HECA: variants seen among roughly 807,000 people sequenced by gnomAD.
The protein encoded by HECA is HECA ribonucleoprotein granule regulator, also known as headcase protein homolog.
HECA carries 13 observed loss-of-function variants against 37.6 expected under a neutral mutation model. The observed-to-expected ratio is 0.35, with a 90% CI of 0.23 to 0.55. The LOEUF is 0.55. Ranked by LOEUF, HECA falls within the 20% of genes least tolerant of loss-of-function variation. The pLI, the probability that HECA is intolerant of heterozygous loss-of-function variation, is 0.90. For missense variants in HECA, 527 were observed against 701.9 expected (o/e 0.75, Z 2.82); for synonymous variants, 307 against 291.5 (o/e 1.05, Z -0.54).
At chr6:139,139,622 C>G (rs968421662) in intron 1 of HECA, among the ~76,000 whole-genome samples, 2 of 152,214 alleles carry the variant, frequency 1.3e-5, no homozygotes, top group African/African-American at 4.8e-5. Context: ...CCAGTTGATC[C>G]TCTCTTGGGG....
chr6:139,173,450 C>T (rs1009266588), intron 2 of HECA, among the ~76,000 whole-genome samples: 13 of 152,206 alleles, frequency 8.5e-5, no homozygotes, highest in Non-Finnish European at 1.6e-4. Context: ...ACCTTTCCAT[C>T]GGGTAAGGAG....
At chr6:139,168,182 C>T (rs528222742) in intron 2 of HECA, among the ~76,000 whole-genome samples, 1 of 152,244 alleles carries the variant, frequency 6.6e-6, no homozygotes, top group Non-Finnish European at 1.5e-5. Context: ...TCTTCATTCT[C>T]CAGCTTTACA....
Position 139,166,456 on chromosome 6 carries a change from C to T in HECA, c.444C>T (p.Ile148=), listed in dbSNP as rs368964706. Residue 148 remains isoleucine (I), a synonymous_variant, in exon 2 of 4, where the codon ATC becomes ATT. Transcript: ENST00000367658. ...ESSILVQFNC[I]GRARSWNEKQ... ...GCATCCTCGTCCAGTTCAACTGCAT[C>T]GGCCGCGCGCGCAGCTGGAACGAGA... 1.2e-4 allele frequency: 192 copies of T among 1,614,180 alleles called. No individual in the cohort carries two copies. In the East Asian group the frequency reaches 2.3e-3, roughly 19 times the overall value.
intron 2 of HECA, among the ~76,000 whole-genome samples, chr6:139,171,394 A>T (rs1449951296): frequency 3.9e-5 from 6 of 152,230 alleles, no homozygotes; most frequent in Admixed American, 6.5e-5. Flanking sequence ...CGCACATTAG[A>T]TGTGCCCACA....
At chr6:139,164,713 G>A (rs760671449) in intron 1 of HECA, among the ~76,000 whole-genome samples, 5 of 152,112 alleles carry the variant, frequency 3.3e-5, no homozygotes, top group South Asian at 2.1e-4. Context: ...CAAGACACAA[G>A]TGGGGAAGGC....
In HECA at chr6:139,180,755, C is replaced by CTGTT. The variant is rs931310317; in HGVS notation, c.*3654_*3657dup. ...AATTGTGTGTGGTTTTAGAGGGTTT[C>CTGTT]TGTTTGTGAAATGTATGTATTAAAA... On this transcript the variant is annotated 3_prime_UTR_variant, in exon 4 of 4. Coordinates refer to ENST00000367658, the MANE Select transcript of HECA (RefSeq NM_016217.3). 2 of 152,576 alleles carry CTGTT rather than the reference C, an allele frequency of 1.3e-5. No homozygotes were observed. The highest frequency in any genetic ancestry group is 2.9e-5 in the Non-Finnish European group (2 of 68,040). The allele number at this position is 152,576 out of a possible 1,614,324, so 9.5% of individuals were successfully genotyped here. A position where few individuals can be genotyped will look rare whatever the true frequency, so the allele number is the denominator to read the frequency against.
At chr6:139,155,202 C>T (rs1478870683) in intron 1 of HECA, among the ~76,000 whole-genome samples, 2 of 152,146 alleles carry the variant, frequency 1.3e-5, no homozygotes, top group Non-Finnish European at 2.9e-5. Flanking sequence ...GCAATTGGAA[C>T]ACAATGGCAT....
At chr6:139,168,925 T>C (rs544039023) in intron 2 of HECA, among the ~76,000 whole-genome samples, 1 of 152,356 alleles carries the variant, frequency 6.6e-6, no homozygotes, top group South Asian at 2.1e-4. Flanking sequence ...TGTCACTATT[T>C]TGAGAGGTCT....
chr6:139,161,729 T>A (rs1437526155), intron 1 of HECA, among the ~76,000 whole-genome samples: 5 of 152,268 alleles, frequency 3.3e-5, no homozygotes, highest in Non-Finnish European at 7.3e-5. Context: ...TAGTTAGATC[T>A]TCCTTTGACC....
In HECA at chr6:139,179,838, GAA is replaced by G. The variant is rs1417960261; in HGVS notation, c.*2734_*2735del. The G allele has an allele frequency of 6.6e-6, 1 of 152,136 alleles. No individual in the cohort carries two copies. The highest frequency in any genetic ancestry group is 2.4e-5 in the African/African-American group (1 of 41,434). The allele number at this position is 152,136 out of a possible 1,614,324, so 9.4% of individuals were successfully genotyped here. A position where few individuals can be genotyped will look rare whatever the true frequency, so the allele number is the denominator to read the frequency against. On this transcript the variant is annotated 3_prime_UTR_variant, in exon 4 of 4. Coordinates refer to ENST00000367658, the MANE Select transcript of HECA (RefSeq NM_016217.3). ...AAGAGATCCAATTTGTTTTTCTGAT[GAA>G]TAGTGTTCAGTAAAATGAAGCAGTC... is the stretch of plus-strand genomic sequence containing the variant.
At chr6:139,149,211 C>T (rs1774622959) in intron 1 of HECA, among the ~76,000 whole-genome samples, 1 of 152,166 alleles carries the variant, frequency 6.6e-6, no homozygotes, top group Admixed American at 6.5e-5. Flanking sequence ...TGTGCCTTCT[C>T]AGATGTCTGT....
intron 1 of HECA, among the ~76,000 whole-genome samples, chr6:139,136,599 T>C (rs1774448460): frequency 6.6e-6 from 1 of 151,714 alleles, no homozygotes; most frequent in African/African-American, 2.4e-5. Context: ...AGCGTCAGCT[T>C]TTGAAGCCAT....
At chr6:139,166,096 G>T (rs1387945815) in intron 1 of HECA, 188 bp from the exon 2 acceptor site, 1 of 547,430 alleles carries the variant, frequency 1.8e-6, no homozygotes, top group South Asian at 2.7e-5. Context: ...CCACCAGACT[G>T]GTTGGTTAAG....
intron 2 of HECA, among the ~76,000 whole-genome samples, chr6:139,169,377 A>G (rs968352785): frequency 1.2e-4 from 19 of 152,118 alleles, no homozygotes; most frequent in Non-Finnish European, 2.6e-4. Context: ...CGGAGTTACA[A>G]ATTTTCTGTT....
intron 2 of HECA, among the ~76,000 whole-genome samples, chr6:139,172,396 A>G (rs560144792): frequency 4.2e-4 from 64 of 151,592 alleles, no homozygotes; most frequent in Non-Finnish European, 5.3e-4. Flanking sequence ...CTGGATTACT[A>G]CTCCCTCGCC....
chr6:139,150,719 A>T (rs1562244118), intron 1 of HECA, among the ~76,000 whole-genome samples: 1 of 152,094 alleles, frequency 6.6e-6, no homozygotes, highest in Non-Finnish European at 1.5e-5. Context: ...TCTGGTTTGA[A>T]ATGAATAGTT....
chr6:139,143,597 T>C (rs1774542843), intron 1 of HECA, among the ~76,000 whole-genome samples: 1 of 152,152 alleles, frequency 6.6e-6, no homozygotes, highest in South Asian at 2.1e-4. Flanking sequence ...GCGTGGTGGC[T>C]CACACCTGTA....
At position 139,166,149 on chromosome 6, in the gene HECA, C is replaced by G. The variant is rs1774882089; in HGVS notation, c.272-135C>G. 4 of 722,358 alleles carry G rather than the reference C, an allele frequency of 5.5e-6. No individual in the cohort carries two copies. In the African/African-American group the frequency reaches 7.1e-5, roughly 13 times the overall value. 44.7% of individuals were successfully genotyped at this position (722,358 alleles called of 1,614,324 possible). A position where few individuals can be genotyped will look rare whatever the true frequency, so the allele number is the denominator to read the frequency against. Reference sequence around the variant, plus strand: ...TCCCTGGTTCACTGGAGTGATTCATCTTTAAAGGAACCCTGGAACTGCCTT... The same window carrying G: ...TCCCTGGTTCACTGGAGTGATTCATGTTTAAAGGAACCCTGGAACTGCCTT... On this transcript the variant is annotated intron_variant, in intron 1 of 3. Transcript: ENST00000367658.
intron 1 of HECA, among the ~76,000 whole-genome samples, chr6:139,164,763 A>C (rs941516038): frequency 2.0e-5 from 3 of 152,188 alleles, no homozygotes; most frequent in Non-Finnish European, 4.4e-5. Flanking sequence ...TTGTCATCCC[A>C]GCCTGTAAGC....
Sources: gnomAD v4.1 joint callset for allele counts (sites outside exome capture counted in the v4.1 genomes callset) on GRCh38, gnomAD v4.1.1 for gene constraint, MANE v1.5 for transcripts, NCBI Gene and HGNC (gene_info 2026-07-23, HGNC 2026-07-21) for gene names.